The following CMSS1 variants were observed in gnomAD, a reference collection of about 807,000 sequenced individuals.
CMSS1 encodes the protein protein CMSS1.
In CMSS1, 33 loss-of-function variants were observed where a neutral mutation model predicts 43.5. That is an observed-to-expected ratio of 0.76 (90% CI 0.57 to 1.01). CMSS1 has a LOEUF of 1.01. Ranked by LOEUF, CMSS1 falls within the 50% of genes least tolerant of loss-of-function variation. The pLI, the probability that CMSS1 is intolerant of heterozygous loss-of-function variation, is 0.00. For synonymous variants in CMSS1, 115 were observed against 117.2 expected (o/e 0.98, Z 0.12); for missense variants, 313 against 326.4 (o/e 0.96, Z 0.32).
At chr3:99,945,837 T>G (rs2107681932) in intron 1 of CMSS1, among the ~76,000 whole-genome samples, 1 of 152,300 alleles carries the variant, frequency 6.6e-6, no homozygotes, top group Non-Finnish European at 1.5e-5. Flanking sequence ...CTGTCAGGGC[T>G]CTCACGTTCC....
intron 1 of CMSS1, among the ~76,000 whole-genome samples, chr3:100,037,987 G>A (rs1193650901): frequency 8.4e-5 from 11 of 131,258 alleles, no homozygotes; most frequent in Middle Eastern, 4.9e-3. Flanking sequence ...CTCAAATCTC[G>A]CTCTGTCGCC....
chr3:99,873,891 C>T (rs1705369964), intron 1 of CMSS1, among the ~76,000 whole-genome samples: 2 of 152,128 alleles, frequency 1.3e-5, no homozygotes, highest in Admixed American at 1.3e-4. Context: ...AATGAACTTA[C>T]TAAGCATAAA....
chr3:99,927,816 C>T (rs1030143310), intron 1 of CMSS1, among the ~76,000 whole-genome samples: 3 of 152,140 alleles, frequency 2.0e-5, no homozygotes, highest in South Asian at 2.1e-4. Flanking sequence ...CCTCTTCCCG[C>T]CCTCTTGACC....
chr3:100,003,427 A>G (rs183763467), intron 1 of CMSS1, among the ~76,000 whole-genome samples: 1 of 152,196 alleles, frequency 6.6e-6, no homozygotes, highest in Admixed American at 6.5e-5. Context: ...CCTAGAATAA[A>G]CCTGTAGCAA....
intron 1 of CMSS1, among the ~76,000 whole-genome samples, chr3:99,845,041 G>C (rs975300039): frequency 1.3e-5 from 2 of 152,150 alleles, no homozygotes; most frequent in African/African-American, 4.8e-5. Flanking sequence ...CTGGTGTCAT[G>C]AAGACCCCAA....
chr3:100,139,079 A>T (rs1326926300), intron 1 of CMSS1, among the ~76,000 whole-genome samples: 1 of 152,156 alleles, frequency 6.6e-6, no homozygotes, highest in Non-Finnish European at 1.5e-5. Flanking sequence ...TCCTCAGCAA[A>T]CTAACCCAGG....
At chr3:100,071,589 C>A (rs1216765760) in intron 1 of CMSS1, among the ~76,000 whole-genome samples, 1 of 152,142 alleles carries the variant, frequency 6.6e-6, no homozygotes, top group Non-Finnish European at 1.5e-5. Flanking sequence ...CAGAGCCAAG[C>A]CCCATTTTTG....
intron 1 of CMSS1, among the ~76,000 whole-genome samples, chr3:99,833,742 T>C (rs901578859): frequency 1.3e-5 from 2 of 152,216 alleles, no homozygotes; most frequent in African/African-American, 4.8e-5. Context: ...GGTTGAGAAG[T>C]TGAAGACTCC....
At chr3:99,952,339 T>A (rs961267974) in intron 1 of CMSS1, among the ~76,000 whole-genome samples, 2 of 152,214 alleles carry the variant, frequency 1.3e-5, no homozygotes, top group African/African-American at 4.8e-5. Context: ...AAATTATCAC[T>A]ATACAATTCA....
chr3:99,857,663 A>G (rs905281135), intron 1 of CMSS1, among the ~76,000 whole-genome samples: 1 of 152,200 alleles, frequency 6.6e-6, no homozygotes, highest in African/African-American at 2.4e-5. Flanking sequence ...TGGTCCATAG[A>G]AATAAACTTA....
intron 1 of CMSS1, among the ~76,000 whole-genome samples, chr3:100,110,398 C>G (rs1161849680): frequency 6.6e-6 from 1 of 152,070 alleles, no homozygotes; most frequent in Admixed American, 6.6e-5. Context: ...ACAGAAGCAG[C>G]TTTATCCCGT....
In CMSS1 at chr3:100,150,217, G is replaced by T. The variant is rs573354912; in HGVS notation, c.153+3156G>T. Among the ~76,000 whole-genome samples the T allele has an allele frequency of 3.3e-5, 5 of 152,240 alleles. No individual in the cohort carries two copies. In the Middle Eastern group the frequency reaches 0.017, roughly 518 times the overall value. Reference sequence around the variant, plus strand: ...TAGAACTTGAGTCTCCAGCTGGTTCGTAAGTCCCTTGGGGCCAGGGTTTCT... The same window carrying T: ...TAGAACTTGAGTCTCCAGCTGGTTCTTAAGTCCCTTGGGGCCAGGGTTTCT... On this transcript the variant is annotated intron_variant, in intron 2 of 9. Transcript: ENST00000421999.
At chr3:100,143,358 A>C (rs2066819781) in intron 1 of CMSS1, among the ~76,000 whole-genome samples, 1 of 152,218 alleles carries the variant, frequency 6.6e-6, no homozygotes, top group Non-Finnish European at 1.5e-5. Flanking sequence ...CCCAGTCAGG[A>C]GCAAAGCTTT....
chr3:99,936,442 C>A (rs1193491780), intron 1 of CMSS1, among the ~76,000 whole-genome samples: 1 of 132,652 alleles, frequency 7.5e-6, no homozygotes. Flanking sequence ...GTGGCACGAT[C>A]TCGGCTCACT....
intron 1 of CMSS1, among the ~76,000 whole-genome samples, chr3:100,005,660 T>C (rs1709966135): frequency 6.6e-6 from 1 of 152,214 alleles, no homozygotes; most frequent in Admixed American, 6.5e-5. Context: ...TTAATGGAAA[T>C]TTATAAGCCT....
At chr3:100,132,802 G>A (rs866319363) in intron 1 of CMSS1, among the ~76,000 whole-genome samples, 17 of 115,792 alleles carry the variant, frequency 1.5e-4, no homozygotes, top group African/African-American at 5.3e-4. Flanking sequence ...CTGGGCGACA[G>A]AGCAAGACTC....
intron 1 of CMSS1, among the ~76,000 whole-genome samples, chr3:99,921,940 T>C (rs149031076): frequency 3.3e-5 from 5 of 152,324 alleles, no homozygotes; most frequent in African/African-American, 1.2e-4. Context: ...ATCTTTGCCA[T>C]CTGCCTCCCA....
At chr3:100,069,850 T>G (rs1018796698) in intron 1 of CMSS1, among the ~76,000 whole-genome samples, 16 of 152,174 alleles carry the variant, frequency 1.1e-4, no homozygotes, top group African/African-American at 3.9e-4. Flanking sequence ...GGAGCTGATA[T>G]CTACCCTGGA....
intron 1 of CMSS1, among the ~76,000 whole-genome samples, chr3:99,962,017 G>T (rs767762671): frequency 5.9e-5 from 9 of 152,150 alleles, no homozygotes; most frequent in Non-Finnish European, 1.2e-4. Context: ...CTGATTGGGG[G>T]TTAGGGATGT....
Sources: allele counts gnomAD v4.1 joint callset (sites outside exome capture counted in the v4.1 genomes callset), GRCh38; gene constraint gnomAD v4.1.1; transcripts MANE v1.5; gene names NCBI Gene and HGNC (gene_info 2026-07-23, HGNC 2026-07-21).